RAB3C: variants seen among roughly 807,000 people sequenced by gnomAD.
RAB3C encodes ras-related protein Rab-3C.
In RAB3C, 17 loss-of-function variants were observed where a neutral mutation model predicts 26.4. The ratio of observed to expected loss-of-function variants is 0.64; its 90% CI spans 0.44 to 0.97. The LOEUF (loss-of-function observed/expected upper bound fraction) is 0.97. Ranked by LOEUF, RAB3C falls within the 50% of genes least tolerant of loss-of-function variation. The pLI, the probability that RAB3C is intolerant of heterozygous loss-of-function variation, is 0.00. For missense variants in RAB3C, 242 were observed against 281.9 expected, an observed-to-expected ratio of 0.86 and a Z score of 1.01; for synonymous variants, 91 against 95.9, an observed-to-expected ratio of 0.95 and a Z score of 0.30.
intron 2 of RAB3C, among the ~76,000 whole-genome samples, chr5:58,656,276 A>G (rs778230570): frequency 7.9e-5 from 12 of 152,226 alleles, no homozygotes; most frequent in Non-Finnish European, 1.3e-4. Flanking sequence ...AACATTTCAT[A>G]ATACCAAAGA....
rs973052731 is a variant in RAB3C, at chr5:58,660,538, A to G, written c.252+42668A>G. Among the ~76,000 whole-genome samples the G allele has an allele frequency of 2.7e-5, 4 of 150,272 alleles. 1 individual carries two copies. Among genetic ancestry groups the G allele is most frequent in the African/African-American group, 1.0e-4 (4 of 39,594 alleles). On this transcript the variant is annotated intron_variant, in intron 2 of 4. Transcript: ENST00000282878. ...CCATATTGTATTTTTTAAGAACAAA[A>G]ATTTGGCAAATATTCTTTATTTTGA...
chr5:58,622,449 C>T (rs985560997), intron 2 of RAB3C, among the ~76,000 whole-genome samples: 1 of 152,100 alleles, frequency 6.6e-6, no homozygotes, highest in Non-Finnish European at 1.5e-5. Flanking sequence ...AAATAAAAGA[C>T]ATGGTTAATA....
At chr5:58,754,851 G>A (rs1174148238) in intron 3 of RAB3C, among the ~76,000 whole-genome samples, 1 of 151,376 alleles carries the variant, frequency 6.6e-6, no homozygotes, top group Non-Finnish European at 1.5e-5. Context: ...CTTCAGCATC[G>A]TCCAGAGAGC....
chr5:58,768,507 T>C (rs1410907236), intron 3 of RAB3C, among the ~76,000 whole-genome samples: 1 of 151,828 alleles, frequency 6.6e-6, no homozygotes, highest in African/African-American at 2.4e-5. Context: ...TATCAGATGG[T>C]GATATGTGCT....
In RAB3C at chr5:58,648,488, C is replaced by T. The variant is rs183782018; in HGVS notation, c.252+30618C>T. On this transcript the variant is annotated intron_variant, in intron 2 of 4. Coordinates refer to ENST00000282878, the MANE Select transcript of RAB3C (RefSeq NM_138453.4). ...GGAAATCTCTCATAGTTTTCTGTAA[C>T]GTAAAGGGAAATCATGCTTCAAAAT... is the stretch of plus-strand genomic sequence containing the variant. Among the ~76,000 whole-genome samples the T allele has an allele frequency of 7.9e-5, 12 of 152,078 alleles. No individual in the cohort carries two copies. In the East Asian group the frequency reaches 1.4e-3, roughly 17 times the overall value.
At chr5:58,747,703 C>A (rs924471856) in intron 3 of RAB3C, among the ~76,000 whole-genome samples, 3 of 151,444 alleles carry the variant, frequency 2.0e-5, no homozygotes, top group Non-Finnish European at 2.9e-5. Context: ...TATTATTATT[C>A]TTTCTGTCTC....
intron 3 of RAB3C, among the ~76,000 whole-genome samples, chr5:58,735,786 C>T (rs1741120060): frequency 6.6e-6 from 1 of 152,182 alleles, no homozygotes; most frequent in Non-Finnish European, 1.5e-5. Flanking sequence ...ACACCTCTTG[C>T]ACCCTTGTGT....
rs1325212744 is a variant in RAB3C at position 58,627,515 on chromosome 5, A to AAAAAAAAAAAAAAAAAAAAAAAAC, written c.252+9649_252+9650insAAAAAAAAAAAAAAAAAAACAAAA. Among the ~76,000 whole-genome samples, 6 of 60,572 alleles carry AAAAAAAAAAAAAAAAAAAAAAAAC rather than the reference A, an allele frequency of 9.9e-5. 1 individual carries two copies. The highest frequency in any genetic ancestry group is 1.3e-4 in the Non-Finnish European group (4 of 30,326). The allele number at this position is 60,572 out of a possible 152,430, so 39.7% of individuals were successfully genotyped here. On this transcript the variant is annotated intron_variant, in intron 2 of 4. Coordinates refer to ENST00000282878, the MANE Select transcript of RAB3C (RefSeq NM_138453.4). ...AAAAAAAAAAAAAAAAAAAAAAAAA[A>AAAAAAAAAAAAAAAAAAAAAAAAC]AAAACACAGCTTAAATTCGGTGCAA...
At chr5:58,713,001 A>G (rs1749094478) in intron 2 of RAB3C, among the ~76,000 whole-genome samples, 1 of 152,186 alleles carries the variant, frequency 6.6e-6, no homozygotes, top group Non-Finnish European at 1.5e-5. Context: ...TCAAAAACAA[A>G]AGAATAAACA....
At chr5:58,795,996 T>A (rs892588634) in intron 3 of RAB3C, among the ~76,000 whole-genome samples, 1 of 152,184 alleles carries the variant, frequency 6.6e-6, no homozygotes, top group Non-Finnish European at 1.5e-5. Context: ...TGCAAATTAC[T>A]AGCTCCAGGA....
intron 1 of RAB3C, among the ~76,000 whole-genome samples, chr5:58,601,058 A>T (rs1746443102): frequency 6.6e-6 from 1 of 152,036 alleles, no homozygotes; most frequent in African/African-American, 2.4e-5. Context: ...TTATAAAGGG[A>T]TGCTGGATTT....
At chr5:58,659,978 GT>G in intron 2 of RAB3C, among the ~76,000 whole-genome samples, 1 of 152,086 alleles carries the variant, frequency 6.6e-6, no homozygotes, top group South Asian at 2.1e-4. Context: ...TAATTTTTGT[GT>G]TTTTTGTAGA....
In RAB3C at chr5:58,812,521, C is replaced by A. The variant is rs546833832; in HGVS notation, c.372-12517C>A. Among the ~76,000 whole-genome samples, 5 of 152,296 alleles carry A rather than the reference C, an allele frequency of 3.3e-5. No individual in the cohort carries two copies. The East Asian group carries it at 9.7e-4, about 29-fold the overall frequency. Reference sequence around the variant, plus strand: ...GTCTTGTGCACTGTTGTTTAATAAACAAACACTTGCTAATTTAAGTATATT... The same window carrying A: ...GTCTTGTGCACTGTTGTTTAATAAAAAAACACTTGCTAATTTAAGTATATT... On this transcript the variant is annotated intron_variant, in intron 3 of 4. Transcript: ENST00000282878.
chr5:58,613,137 A>AT (rs983321344), intron 1 of RAB3C, among the ~76,000 whole-genome samples: 3 of 152,102 alleles, frequency 2.0e-5, no homozygotes, highest in Non-Finnish European at 4.4e-5. Context: ...GAGGTAACCG[A>AT]TTTGGTTCCT....
At chr5:58,599,398 G>T (rs1665717391) in intron 1 of RAB3C, among the ~76,000 whole-genome samples, 1 of 152,154 alleles carries the variant, frequency 6.6e-6, no homozygotes, top group Non-Finnish European at 1.5e-5. Flanking sequence ...CTAGTCCTGA[G>T]CTTCAGGACC....
At chr5:58,666,914 C>T (rs1021545479) in intron 2 of RAB3C, among the ~76,000 whole-genome samples, 2 of 152,144 alleles carry the variant, frequency 1.3e-5, no homozygotes, top group African/African-American at 4.8e-5. Context: ...AGACCAGAGC[C>T]AAAAATTTCT....
At chr5:58,800,646 C>A (rs927329052) in intron 3 of RAB3C, among the ~76,000 whole-genome samples, 2 of 152,072 alleles carry the variant, frequency 1.3e-5, no homozygotes, top group African/African-American at 4.8e-5. Context: ...AGCTGCCACA[C>A]GTGGAGGGTG....
intron 3 of RAB3C, among the ~76,000 whole-genome samples, chr5:58,727,938 T>C (rs1740925949): frequency 6.6e-6 from 1 of 151,996 alleles, no homozygotes. Flanking sequence ...CTCTTACTAT[T>C]CTAGAAGCAA....
At chr5:58,613,612 T>C (rs1442080918) in intron 1 of RAB3C, among the ~76,000 whole-genome samples, 3 of 152,024 alleles carry the variant, frequency 2.0e-5, no homozygotes, top group African/African-American at 7.2e-5. Context: ...AAATATAGAA[T>C]GGGAATAGAA....
Sources: gnomAD v4.1 joint callset for allele counts (sites outside exome capture counted in the v4.1 genomes callset) on GRCh38, gnomAD v4.1.1 for gene constraint, MANE v1.5 for transcripts, NCBI Gene and HGNC (gene_info 2026-07-23, HGNC 2026-07-21) for gene names.